The following FBXL17 variants were observed in gnomAD, a reference collection of about 807,000 sequenced individuals.
FBXL17 encodes F-box/LRR-repeat protein 17.
A neutral mutation model predicts 66.2 loss-of-function variants in FBXL17; 22 were observed. The ratio of observed to expected loss-of-function variants is 0.33; its 90% CI spans 0.24 to 0.47. The LOEUF is 0.47. Ranked by LOEUF, FBXL17 falls within the 20% of genes least tolerant of loss-of-function variation. FBXL17 has a pLI of 1.00. For synonymous variants in FBXL17, 474 were observed against 400.5 expected, an observed-to-expected ratio of 1.18 and a Z score of -2.19; for missense variants, 878 against 948.2, an observed-to-expected ratio of 0.93 and a Z score of 0.97.
intron 4 of FBXL17, among the ~76,000 whole-genome samples, chr5:108,306,357 G>A (rs1220990680): frequency 6.6e-6 from 1 of 151,978 alleles, no homozygotes; most frequent in East Asian, 1.9e-4. Flanking sequence ...GCACACTGTA[G>A]TCTAAAACAA....
chr5:108,104,947 T>G (rs1749737511), intron 6 of FBXL17, among the ~76,000 whole-genome samples: 2 of 152,140 alleles, frequency 1.3e-5, no homozygotes, highest in African/African-American at 4.8e-5. Flanking sequence ...GTTCACGCCA[T>G]TCTCCTGCCT....
chr5:107,931,257 A>ATT (rs59275945), intron 7 of FBXL17, among the ~76,000 whole-genome samples: 2,361 of 113,696 alleles, frequency 0.021, 42 homozygotes, highest in African/African-American at 0.037. Flanking sequence ...GTTAAAGAGA[A>ATT]TTTTTTTTTT....
At position 108,201,086 on chromosome 5, in the gene FBXL17, C is replaced by T. The variant is rs542992074; in HGVS notation, c.1615-14839G>A. Among the ~76,000 whole-genome samples, 24 of 152,270 alleles carry T rather than the reference C, an allele frequency of 1.6e-4. No homozygotes were observed. The South Asian group carries it at 5.0e-3, about 32-fold the overall frequency. ...ATAACTAACTTCTAACGATTAATAA[C>T]AGGGAATTACTATGAAAATGAATTC... On this transcript the variant is annotated intron_variant, in intron 5 of 8. Coordinates refer to ENST00000542267, the MANE Select transcript of FBXL17 (RefSeq NM_001163315.3).
At chr5:108,300,898 A>G (rs572803007) in intron 4 of FBXL17, among the ~76,000 whole-genome samples, 29 of 151,872 alleles carry the variant, frequency 1.9e-4, no homozygotes, top group Non-Finnish European at 3.5e-4. Context: ...AATAAAATGA[A>G]TATTAAAGAA....
chr5:108,340,735 T>G (rs1746823600), intron 4 of FBXL17, among the ~76,000 whole-genome samples: 1 of 152,202 alleles, frequency 6.6e-6, no homozygotes, highest in East Asian at 1.9e-4. Context: ...ACCAAAATAT[T>G]TGAAGTGATA....
At chr5:108,185,954 G>A (rs906350904) in intron 6 of FBXL17, among the ~76,000 whole-genome samples, 163 bp downstream of exon 6, 1 of 152,284 alleles carries the variant, frequency 6.6e-6, no homozygotes, top group Non-Finnish European at 1.5e-5. Flanking sequence ...AGCAACAGAT[G>A]CATTAAAAGT....
At chr5:107,984,515 G>A (rs1752943517) in intron 7 of FBXL17, among the ~76,000 whole-genome samples, 1 of 152,102 alleles carries the variant, frequency 6.6e-6, no homozygotes, top group Non-Finnish European at 1.5e-5. Flanking sequence ...AGATGCCTGT[G>A]AGTTCCTGGT....
intron 7 of FBXL17, among the ~76,000 whole-genome samples, chr5:107,982,468 C>A (rs34768879): frequency 1.3e-4 from 19 of 151,702 alleles, no homozygotes; most frequent in East Asian, 3.9e-4. Flanking sequence ...ACAAAAAAAA[C>A]CACATAGCAA....
chr5:108,313,470 G>A (rs2150203151), intron 4 of FBXL17, among the ~76,000 whole-genome samples: 1 of 152,176 alleles, frequency 6.6e-6, no homozygotes, highest in African/African-American at 2.4e-5. Context: ...AATTAAAACA[G>A]ACAGACCTAG....
At chr5:108,316,806 T>A (rs2150209572) in intron 4 of FBXL17, among the ~76,000 whole-genome samples, 1 of 151,300 alleles carries the variant, frequency 6.6e-6, no homozygotes, top group Admixed American at 6.6e-5. Flanking sequence ...ACTGTTGATT[T>A]TTTTTTAGAG....
intron 4 of FBXL17, among the ~76,000 whole-genome samples, chr5:108,334,482 GGCCATGCGATGTGCT>G (rs1294605758): frequency 6.6e-6 from 1 of 152,076 alleles, no homozygotes; most frequent in African/African-American, 2.4e-5. Context: ...AACGCCTATG[GGCCATGCGATGTGCT>G]GCCAACAGAA....
chr5:108,231,447 T>G (rs2150085887), intron 4 of FBXL17, among the ~76,000 whole-genome samples: 1 of 152,314 alleles, frequency 6.6e-6, no homozygotes, highest in South Asian at 2.1e-4. Context: ...TCTAGCTTCT[T>G]TCACTAATGT....
At chr5:108,190,391 C>T (rs1451804120) in intron 5 of FBXL17, among the ~76,000 whole-genome samples, 1 of 152,148 alleles carries the variant, frequency 6.6e-6, no homozygotes, top group Non-Finnish European at 1.5e-5. Context: ...GACAGAGAGT[C>T]TGAGACAGAG....
intron 8 of FBXL17, among the ~76,000 whole-genome samples, chr5:107,867,036 T>C (rs1748294793): frequency 6.6e-6 from 1 of 152,166 alleles, no homozygotes; most frequent in Admixed American, 6.5e-5. Flanking sequence ...GAATATTTAT[T>C]GAGTACATTA....
chr5:108,231,780 A>T (rs530593208), intron 4 of FBXL17, among the ~76,000 whole-genome samples: 1 of 152,282 alleles, frequency 6.6e-6, no homozygotes, highest in South Asian at 2.1e-4. Flanking sequence ...CTACTACTCC[A>T]TAAAAGAGAT....
At chr5:108,012,729 T>A (rs1210799840) in intron 7 of FBXL17, among the ~76,000 whole-genome samples, 1 of 152,158 alleles carries the variant, frequency 6.6e-6, no homozygotes, top group Non-Finnish European at 1.5e-5. Flanking sequence ...TAATAGTACC[T>A]AGCTGGCTGG....
At chr5:107,885,002 G>C (rs543855484) in intron 7 of FBXL17, among the ~76,000 whole-genome samples, 2 of 152,308 alleles carry the variant, frequency 1.3e-5, no homozygotes, top group Admixed American at 1.3e-4. Flanking sequence ...GTCACTGCTA[G>C]AGTCTTGAAC....
At chr5:108,272,995 T>A (rs2150140102) in intron 4 of FBXL17, among the ~76,000 whole-genome samples, 1 of 152,178 alleles carries the variant, frequency 6.6e-6, no homozygotes, top group East Asian at 1.9e-4. Context: ...AGAGATAAAT[T>A]TTAAAGCTGG....
Position 107,912,813 on chromosome 5 carries a change from T to C in FBXL17, c.1823-31634A>G, listed in dbSNP as rs372827863. On this transcript the variant is annotated intron_variant, in intron 7 of 8. Transcript: ENST00000542267. The stretch of plus-strand genomic sequence containing the variant: ...TATATTATCAGTGCAATTACAAATG[T>C]AATAATAAGGAAAGTGCACAATTTG... Among the ~76,000 whole-genome samples the C allele has an allele frequency of 3.9e-5, 6 of 152,222 alleles. No homozygotes were observed. In the East Asian group the frequency reaches 1.2e-3, roughly 29 times the overall value.
Sources: gnomAD v4.1 joint callset for allele counts (sites outside exome capture counted in the v4.1 genomes callset) on GRCh38, gnomAD v4.1.1 for gene constraint, MANE v1.5 for transcripts, NCBI Gene and HGNC (gene_info 2026-07-23, HGNC 2026-07-21) for gene names.